Variants in SGSM1 observed in about 807,000 individuals in gnomAD.
The protein encoded by SGSM1 is small G protein signaling modulator 1.
SGSM1 carries 73 observed loss-of-function variants against 133.8 expected under a neutral mutation model. That is an observed-to-expected ratio of 0.55 (90% CI 0.45 to 0.66). The LOEUF (loss-of-function observed/expected upper bound fraction) is 0.66, where lower values mean the gene tolerates loss of function less well. Ranked by LOEUF, SGSM1 falls within the 30% of genes least tolerant of loss-of-function variation. The probability of loss-of-function intolerance (pLI) is 0.00; values close to 1 mark genes in which losing one functional copy is unlikely to be tolerated. For synonymous variants in SGSM1, 563 were observed against 573.0 expected, an observed-to-expected ratio of 0.98 and a Z score of 0.25; for missense variants, 1,213 against 1,448.1, an observed-to-expected ratio of 0.84 and a Z score of 2.64.
At chr22:24,831,120 TGGAGAC>T (rs68100357) in intron 2 of SGSM1, among the ~76,000 whole-genome samples, 5,518 of 151,982 alleles carry the variant, frequency 0.036, 344 homozygotes, top group African/African-American at 0.13. Flanking sequence ...TGGTCCTTGA[TGGAGAC>T]GGAGGTCAGC....
At chr22:24,867,575 G>C (rs924625566) in intron 10 of SGSM1, among the ~76,000 whole-genome samples, 12 of 152,322 alleles carry the variant, frequency 7.9e-5, no homozygotes, top group African/African-American at 2.4e-4. Context: ...CTTAGTATAA[G>C]GGCACACAGT....
At chr22:24,909,536 A>G (rs1392688524) in intron 21 of SGSM1, among the ~76,000 whole-genome samples, 1 of 151,922 alleles carries the variant, frequency 6.6e-6, no homozygotes, top group Non-Finnish European at 1.5e-5. Context: ...GCTCACTGCA[A>G]CCTCCACCTC....
chr22:24,893,577 C>G lies in SGSM1; in HGVS notation c.1917C>G (p.His639Gln). Residue 639 changes from histidine (H) to glutamine (Q), a missense_variant, in exon 17 of 25, where the codon CAC (histidine) becomes CAG (glutamine). Coordinates refer to ENST00000400358, the MANE Select transcript of SGSM1 (RefSeq NM_001098497.3). ...SSGASLDSHLHRMLHRDSTIS... is the reference protein window; with the variant it reads ...SSGASLDSHLQRMLHRDSTIS... ...GGGCCAGCTTGGACAGCCACCTGCACCGGATGTTGCACAGGGACTCAACCA... is the reference window on the plus strand; with the variant it reads ...GGGCCAGCTTGGACAGCCACCTGCAGCGGATGTTGCACAGGGACTCAACCA... 3.1e-6 allele frequency: 5 copies of G among 1,590,730 alleles called. No homozygotes were observed. Among genetic ancestry groups the G allele is most frequent in the Non-Finnish European group, 4.3e-6 (5 of 1,169,192 alleles).
rs1350456397 is a variant in SGSM1, at chr22:24,924,818, C to G, written c.*544C>G. 1 of 157,750 alleles carries G rather than the reference C, an allele frequency of 6.3e-6. No homozygotes were observed. The allele number at this position is 157,750 out of a possible 1,614,324, so 9.8% of individuals were successfully genotyped here. On this transcript the variant is annotated 3_prime_UTR_variant, in exon 25 of 25. Coordinates refer to ENST00000400358, the MANE Select transcript of SGSM1 (RefSeq NM_001098497.3). ...GTGATTCTTTTTGAGGGGACTGTCCCCTGCATTGTAGGATGCTGAGCAGCA... is the reference window on the plus strand; with the variant it reads ...GTGATTCTTTTTGAGGGGACTGTCCGCTGCATTGTAGGATGCTGAGCAGCA...
intron 22 of SGSM1, among the ~76,000 whole-genome samples, chr22:24,917,273 ACT>A (rs1251439449): frequency 6.6e-6 from 1 of 152,066 alleles, no homozygotes; most frequent in African/African-American, 2.4e-5. Flanking sequence ...GAACTACCAC[ACT>A]GTTTTCCACA....
intron 21 of SGSM1, among the ~76,000 whole-genome samples, chr22:24,910,899 C>T (rs888921395): frequency 1.3e-5 from 2 of 151,948 alleles, no homozygotes; most frequent in Non-Finnish European, 2.9e-5. Context: ...GAGCCAAGAT[C>T]GTGCCACTGC....
rs964571469 is a variant in SGSM1, at chr22:24,855,446, A to G, written c.669+16A>G. 1.9e-6 allele frequency: 3 copies of G among 1,613,258 alleles called. No homozygotes were observed. Among genetic ancestry groups the G allele is most frequent in the South Asian group, 2.2e-5 (2 of 90,988 alleles). On this transcript the variant is annotated intron_variant, in intron 7 of 24. Coordinates refer to ENST00000400358, the MANE Select transcript of SGSM1 (RefSeq NM_001098497.3). ...TGCCCTCTGTGTGAGTGGGGTGGACAGTGGGGCAGTGGGAGGGACCTTACA... is the reference window on the plus strand; with the variant it reads ...TGCCCTCTGTGTGAGTGGGGTGGACGGTGGGGCAGTGGGAGGGACCTTACA...
chr22:24,907,946 G>C (rs959013846), intron 21 of SGSM1, among the ~76,000 whole-genome samples: 7 of 141,678 alleles, frequency 4.9e-5, no homozygotes, highest in Admixed American at 4.3e-4. Context: ...GATGTTGCAG[G>C]ACTCACAGTA....
At chr22:24,849,247 T>TTA (rs1569146353) in intron 4 of SGSM1, among the ~76,000 whole-genome samples, 1 of 142,554 alleles carries the variant, frequency 7.0e-6, no homozygotes, top group African/African-American at 2.6e-5. Context: ...AGTATTTTAT[T>TTA]AAAAAAAAAA....
chr22:24,891,179 C>T (rs1284495904), intron 16 of SGSM1, among the ~76,000 whole-genome samples: 5 of 152,214 alleles, frequency 3.3e-5, no homozygotes, highest in South Asian at 2.1e-4. Context: ...AGCAACATAG[C>T]GTGACCCCCA....
chr22:24,835,916 T>C (rs1929400266), intron 2 of SGSM1, among the ~76,000 whole-genome samples: 1 of 152,202 alleles, frequency 6.6e-6, no homozygotes, highest in Admixed American at 6.5e-5. Context: ...AAAATATTCA[T>C]TTATTTATAC....
chr22:24,917,055 CTT>C (rs139775), intron 22 of SGSM1, among the ~76,000 whole-genome samples: 3,856 of 118,458 alleles, frequency 0.033, 151 homozygotes, highest in African/African-American at 0.096. Flanking sequence ...ATAAAAAATT[CTT>C]TTTTTTTTTT....
At chr22:24,858,543 G>A (rs1930938052) in intron 8 of SGSM1, among the ~76,000 whole-genome samples, 1 of 148,882 alleles carries the variant, frequency 6.7e-6, no homozygotes, top group South Asian at 2.1e-4. Context: ...AGTTGAGGCA[G>A]AAGAATCACC....
At chr22:24,855,798 G>A in intron 8 of SGSM1, 118 bp downstream of exon 8, 1 of 1,468,100 alleles carries the variant, frequency 6.8e-7, no homozygotes, top group Non-Finnish European at 9.5e-7. Context: ...ACTCACCCAT[G>A]CACACATCCA....
Position 24,808,685 on chromosome 22 carries a change from A to G in SGSM1, c.63+2201A>G, listed in dbSNP as rs528375312. Reference sequence around the variant, plus strand: ...AGGCCCAGGTCCCAGCTCAGCTACCATCTTCCTCAGTTTCCTGCGCAGGTT... The same window carrying G: ...AGGCCCAGGTCCCAGCTCAGCTACCGTCTTCCTCAGTTTCCTGCGCAGGTT... On this transcript the variant is annotated intron_variant, in intron 2 of 24. Transcript: ENST00000400358. 3.9e-5 allele frequency among the ~76,000 whole-genome samples: 6 copies of G among 152,292 alleles called. No individual in the cohort carries two copies. The East Asian group carries it at 7.7e-4, about 20-fold the overall frequency.
At chr22:24,915,253 T>TAAATAAATAAACAAACAAACAAAC (rs375854809) in intron 22 of SGSM1, among the ~76,000 whole-genome samples, 7 of 139,428 alleles carry the variant, frequency 5.0e-5, no homozygotes, top group African/African-American at 1.8e-4. Context: ...AATAAATAAA[T>TAAATAAATAAACAAACAAACAAAC]AAACAAACAG....
intron 15 of SGSM1, among the ~76,000 whole-genome samples, chr22:24,884,409 C>T (rs1330464042): frequency 6.6e-6 from 1 of 152,180 alleles, no homozygotes; most frequent in Non-Finnish European, 1.5e-5. Flanking sequence ...GGAGGTAAAA[C>T]ATATGCTCAC....
At chr22:24,888,429 G>A (rs1191072919) in intron 16 of SGSM1, among the ~76,000 whole-genome samples, 2 of 151,886 alleles carry the variant, frequency 1.3e-5, no homozygotes, top group Non-Finnish European at 2.9e-5. Flanking sequence ...AGCATCATTT[G>A]TTGAAAAGAT....
rs1929092872 is a variant in SGSM1 at position 24,831,076 on chromosome 22, G to A, written c.64-13821G>A. On this transcript the variant is annotated intron_variant, in intron 2 of 24. Transcript: ENST00000400358. ...GCACCATTTGCAGCTTGTCTCTATT[G>A]ACTTGGCCCAGACGGGTTCACGCTG... is the stretch of plus-strand genomic sequence containing the variant. 2.6e-5 allele frequency among the ~76,000 whole-genome samples: 4 copies of A among 152,078 alleles called. No individual in the cohort carries two copies. In the South Asian group the frequency reaches 8.3e-4, roughly 32 times the overall value.
Sources: allele counts gnomAD v4.1 joint callset (sites outside exome capture counted in the v4.1 genomes callset), GRCh38; gene constraint gnomAD v4.1.1; transcripts MANE v1.5; gene names NCBI Gene and HGNC (gene_info 2026-07-23, HGNC 2026-07-21).